Variants in GNG7 observed in about 807,000 individuals in gnomAD.
GNG7 encodes G protein subunit gamma 7, also known as guanine nucleotide-binding protein G(I)/G(S)/G(O) subunit gamma-7.
In GNG7, 1 loss-of-function variant was observed where a neutral mutation model predicts 4.0. That is an observed-to-expected ratio of 0.25 (90% CI 0.09 to 1.18). The LOEUF is 1.18. GNG7 is among the 50% of genes most tolerant of loss of function. The pLI is 0.50. For missense variants in GNG7, 86 were observed against 91.9 expected, an observed-to-expected ratio of 0.94 and a Z score of 0.26; for synonymous variants, 34 against 36.9, an observed-to-expected ratio of 0.92 and a Z score of 0.29.
chr19:2,608,263 C>T (rs951946533), intron 2 of GNG7, among the ~76,000 whole-genome samples: 2 of 151,522 alleles, frequency 1.3e-5, no homozygotes, highest in Non-Finnish European at 2.9e-5. Context: ...GACCGAAACG[C>T]AAGAGTAATA....
chr19:2,592,243 A>C (rs1026961036), intron 2 of GNG7, among the ~76,000 whole-genome samples: 11 of 152,188 alleles, frequency 7.2e-5, no homozygotes, highest in Admixed American at 2.6e-4. Context: ...AACTAAAAAG[A>C]ATGAAGCTCA....
At chr19:2,578,115 G>A (rs1244115330) in intron 2 of GNG7, among the ~76,000 whole-genome samples, 3 of 152,130 alleles carry the variant, frequency 2.0e-5, no homozygotes, top group Non-Finnish European at 2.9e-5. Flanking sequence ...TGAGATTACA[G>A]GCGTGAGCCA....
intron 3 of GNG7, among the ~76,000 whole-genome samples, chr19:2,522,810 C>T (rs1160238661): frequency 2.0e-5 from 3 of 149,572 alleles, no homozygotes; most frequent in African/African-American, 4.9e-5. Context: ...CATACCACAC[C>T]GCAGGGGAAT....
chr19:2,575,040 T>C (rs1164644506), intron 2 of GNG7, among the ~76,000 whole-genome samples: 1 of 152,070 alleles, frequency 6.6e-6, no homozygotes, highest in Non-Finnish European at 1.5e-5. Context: ...GAAAGGCTGG[T>C]TGGAATCTCT....
intron 3 of GNG7, among the ~76,000 whole-genome samples, chr19:2,545,918 G>A (rs1416445962): frequency 1.3e-5 from 2 of 152,050 alleles, no homozygotes; most frequent in Non-Finnish European, 2.9e-5. Flanking sequence ...TCGCGCCACT[G>A]CACTCCAGCC....
intron 1 of GNG7, among the ~76,000 whole-genome samples, chr19:2,686,554 C>T (rs993980549): frequency 5.3e-5 from 8 of 152,098 alleles, no homozygotes; most frequent in Admixed American, 3.9e-4. Flanking sequence ...ACTGGGATCC[C>T]GGCCAATCCC....
rs369361844 is a variant in GNG7 at position 2,578,173 on chromosome 19, AGGG to A, written c.-77-22988_-77-22986del. On this transcript the variant is annotated intron_variant, in intron 2 of 4. Coordinates refer to ENST00000382159, the MANE Select transcript of GNG7 (RefSeq NM_052847.3). ...CTTATTCAGCATTATGACATCATAGAGGGTGCTGATTCTTAGGGGCTTTGAGGG... is the reference window on the plus strand; with the variant it reads ...CTTATTCAGCATTATGACATCATAGATGCTGATTCTTAGGGGCTTTGAGGG... Among the ~76,000 whole-genome samples the A allele has an allele frequency of 5.0e-3, 765 of 152,076 alleles. 4 individuals carry two copies. Among genetic ancestry groups the A allele is most frequent in the African/African-American group, 0.017 (723 of 41,470 alleles).
intron 1 of GNG7, among the ~76,000 whole-genome samples, chr19:2,651,154 C>G (rs554776045): frequency 2.4e-4 from 36 of 152,250 alleles, no homozygotes; most frequent in African/African-American, 8.7e-4. Context: ...ACCTCGTGTA[C>G]GAAGGGCTGC....
At chr19:2,536,418 C>CAA (rs112605115) in intron 3 of GNG7, among the ~76,000 whole-genome samples, 26 of 131,940 alleles carry the variant, frequency 2.0e-4, no homozygotes, top group African/African-American at 6.9e-4. Flanking sequence ...AACTCCATCT[C>CAA]AAAAAAAAAA....
At chr19:2,691,828 C>T (rs1396495049) in intron 1 of GNG7, among the ~76,000 whole-genome samples, 11 of 149,752 alleles carry the variant, frequency 7.3e-5, no homozygotes, top group Non-Finnish European at 1.6e-4. Context: ...GATCATGCCA[C>T]CGCACTCCAG....
intron 2 of GNG7, among the ~76,000 whole-genome samples, chr19:2,601,922 C>CAGGGG (rs925684937): frequency 6.6e-6 from 1 of 151,316 alleles, no homozygotes; most frequent in African/African-American, 2.4e-5. Flanking sequence ...AAAGAGAAGA[C>CAGGGG]AGGGGAGGGG....
chr19:2,673,703 AAAAAG>A (rs1194709327), intron 1 of GNG7, among the ~76,000 whole-genome samples: 35 of 151,810 alleles, frequency 2.3e-4, no homozygotes, highest in Admixed American at 5.9e-4. Flanking sequence ...AAAAAAAAAA[AAAAAG>A]AAAGAAAGAA....
At chr19:2,599,962 G>C (rs968251974) in intron 2 of GNG7, among the ~76,000 whole-genome samples, 1 of 151,682 alleles carries the variant, frequency 6.6e-6, no homozygotes, top group Non-Finnish European at 1.5e-5. Flanking sequence ...TTAGATTGTG[G>C]TAATGGTTAC....
At chr19:2,695,309 C>T (rs796591194) in intron 1 of GNG7, among the ~76,000 whole-genome samples, 4 of 152,180 alleles carry the variant, frequency 2.6e-5, no homozygotes, top group African/African-American at 9.6e-5. Context: ...CTTCTTATCA[C>T]CCCTGCACCT....
At chr19:2,603,465 C>G (rs997160169) in intron 2 of GNG7, among the ~76,000 whole-genome samples, 1 of 152,218 alleles carries the variant, frequency 6.6e-6, no homozygotes, top group Non-Finnish European at 1.5e-5. Flanking sequence ...GACCGGCATC[C>G]GGTGAGACCG....
At chr19:2,601,562 A>G (rs1455761249) in intron 2 of GNG7, among the ~76,000 whole-genome samples, 4 of 152,136 alleles carry the variant, frequency 2.6e-5, no homozygotes, top group Non-Finnish European at 5.9e-5. Context: ...GAGGTGCCTG[A>G]AGAAAGGGTA....
Position 2,614,456 on chromosome 19 carries a change from T to A in GNG7, c.-78+31768A>T, listed in dbSNP as rs930546083. 6.6e-6 allele frequency among the ~76,000 whole-genome samples: 1 copy of A among 151,294 alleles called. No individual in the cohort carries two copies. Among genetic ancestry groups the A allele is most frequent in the East Asian group, 1.9e-4 (1 of 5,148 alleles). ...TATCAGCTGTCACTTCCCATCCCCC[T>A]CCCCAGCCCCTGGCACCCACACATC... On this transcript the variant is annotated intron_variant, in intron 2 of 4. Transcript: ENST00000382159. This position sits in a 1 kb window ranked among gnomAD's most constrained non-coding sequence, Gnocchi z 6.0.
chr19:2,559,734 G>T (rs75807640), intron 2 of GNG7, among the ~76,000 whole-genome samples: 4 of 70,308 alleles, frequency 5.7e-5, no homozygotes, highest in African/African-American at 2.9e-4. Context: ...GACTGGTCTC[G>T]ATCTCTTGAC....
chr19:2,537,668 T>C (rs1461584634), intron 3 of GNG7, among the ~76,000 whole-genome samples: 1 of 151,488 alleles, frequency 6.6e-6, no homozygotes, highest in Non-Finnish European at 1.5e-5. Flanking sequence ...AAACTGGCCC[T>C]GGAGTGGGGG....
Sources: allele counts gnomAD v4.1 joint callset (sites outside exome capture counted in the v4.1 genomes callset), GRCh38; gene constraint gnomAD v4.1.1; non-coding constraint Gnocchi (gnomAD v3.1); transcripts MANE v1.5; gene names NCBI Gene and HGNC (gene_info 2026-07-23, HGNC 2026-07-21).